The following PEAK1 variants were observed in gnomAD, a reference collection of about 807,000 sequenced individuals.
The protein encoded by PEAK1 is pseudopodium enriched atypical kinase 1.
In PEAK1, 54 loss-of-function variants were observed where a neutral mutation model predicts 124.7. That is an observed-to-expected ratio of 0.43 (90% CI 0.35 to 0.54). PEAK1 has a LOEUF of 0.54. Among genes scored for constraint, PEAK1 ranks in the 20% least tolerant of loss-of-function variants. The pLI is 0.01. For missense variants in PEAK1, 2,046 were observed against 2,134.5 expected (o/e 0.96, Z 0.82); for synonymous variants, 719 against 760.0 (o/e 0.95, Z 0.89).
intron 7 of PEAK1, among the ~76,000 whole-genome samples, chr15:77,172,722 A>G (rs541250463): frequency 1.3e-5 from 2 of 152,284 alleles, no homozygotes; most frequent in South Asian, 4.2e-4. Context: ...TTTTAAGAAG[A>G]CAGGTACTCC....
At chr15:77,315,184 T>C (rs1033752576) in intron 2 of PEAK1, among the ~76,000 whole-genome samples, 5 of 152,238 alleles carry the variant, frequency 3.3e-5, no homozygotes, top group African/African-American at 1.2e-4. Flanking sequence ...GTTTAAACTT[T>C]GACAAAAATG....
chr15:77,285,381 T>C (rs1330091373), intron 3 of PEAK1, among the ~76,000 whole-genome samples: 1 of 152,162 alleles, frequency 6.6e-6, no homozygotes, highest in East Asian at 1.9e-4. Context: ...TTTTACTTCA[T>C]CAGAAAGTAA....
chr15:77,250,258 T>TA (rs1364956664), intron 6 of PEAK1, among the ~76,000 whole-genome samples: 6 of 68,812 alleles, frequency 8.7e-5, no homozygotes, highest in African/African-American at 2.8e-4. Flanking sequence ...TATATATATA[T>TA]TTTTTTTTGA....
intron 8 of PEAK1, among the ~76,000 whole-genome samples, chr15:77,146,697 T>C (rs1397153544): frequency 1.3e-5 from 2 of 152,226 alleles, no homozygotes; most frequent in Non-Finnish European, 2.9e-5. Context: ...TTTTTATTTT[T>C]TAAGCATCTA....
intron 2 of PEAK1, among the ~76,000 whole-genome samples, chr15:77,299,482 T>C (rs966734413): frequency 2.0e-5 from 3 of 152,200 alleles, no homozygotes; most frequent in Non-Finnish European, 4.4e-5. Flanking sequence ...TACTAGCCTG[T>C]GAAGTTTCAC....
chr15:77,118,017 G>A (rs1405546406), intron 9 of PEAK1, among the ~76,000 whole-genome samples: 1 of 152,152 alleles, frequency 6.6e-6, no homozygotes, highest in African/African-American at 2.4e-5. Flanking sequence ...AGTGATTTAC[G>A]AAGAAGAAAT....
intron 1 of PEAK1, among the ~76,000 whole-genome samples, chr15:77,409,381 T>G (rs1353065020): frequency 6.6e-6 from 1 of 152,170 alleles, no homozygotes; most frequent in Non-Finnish European, 1.5e-5. Flanking sequence ...TTCCCCCATT[T>G]TACACATAAG....
At chr15:77,223,281 G>A (rs780917925) in intron 6 of PEAK1, among the ~76,000 whole-genome samples, 1 of 151,888 alleles carries the variant, frequency 6.6e-6, no homozygotes, top group Non-Finnish European at 1.5e-5. Context: ...AGTTCTACCT[G>A]GTAAGAACTT....
chr15:77,333,056 T>C lies in PEAK1; in HGVS notation c.-603+32107A>G, dbSNP rs548997239. ...TTAAAGGTGTTAAATTTTTATCACATGGCATAAATATTCCTTCATATTTGA... is the reference window on the plus strand; with the variant it reads ...TTAAAGGTGTTAAATTTTTATCACACGGCATAAATATTCCTTCATATTTGA... On this transcript the variant is annotated intron_variant, in intron 2 of 9. Coordinates refer to ENST00000682557, the MANE Select transcript of PEAK1 (RefSeq NM_001385026.1). 1.2e-3 allele frequency: 1,139 copies of C among 979,976 alleles called. 2 individuals are homozygous for C. Among genetic ancestry groups the C allele is most frequent in the Non-Finnish European group, 1.3e-3 (1,070 of 824,982 alleles). The allele number at this position is 979,976 out of a possible 1,614,324, so 60.7% of individuals were successfully genotyped here.
At chr15:77,392,136 G>A (rs2070516000) in intron 1 of PEAK1, among the ~76,000 whole-genome samples, 1 of 152,158 alleles carries the variant, frequency 6.6e-6, no homozygotes. Context: ...TGCACCCGCA[G>A]CATTTAGCAC....
intron 5 of PEAK1, among the ~76,000 whole-genome samples, chr15:77,258,020 CA>C (rs1347751205): frequency 1.3e-5 from 2 of 152,106 alleles, no homozygotes; most frequent in Non-Finnish European, 2.9e-5. Flanking sequence ...TCAGGTTTGT[CA>C]AAGATCAGAT....
intron 1 of PEAK1, among the ~76,000 whole-genome samples, chr15:77,399,636 A>C (rs1243478927): frequency 6.6e-6 from 1 of 152,170 alleles, no homozygotes; most frequent in Non-Finnish European, 1.5e-5. Flanking sequence ...CTAGACCCCT[A>C]TCTCTCACCA....
At position 77,274,955 on chromosome 15, in the gene PEAK1, C is replaced by T. The variant is rs535103443; in HGVS notation, c.-275+8928G>A. On this transcript the variant is annotated intron_variant, in intron 5 of 9. Transcript: ENST00000682557. ...CAATAAGTGGATAGAGAAAATGTGG[C>T]GTATATATACCATGGAATACTACTC... Among the ~76,000 whole-genome samples, 10 of 152,028 alleles carry T rather than the reference C, an allele frequency of 6.6e-5. No individual in the cohort carries two copies. The South Asian group carries it at 1.0e-3, about 16-fold the overall frequency.
chr15:77,239,844 C>G (rs2060278008), intron 6 of PEAK1: 6 of 985,044 alleles, frequency 6.1e-6, no homozygotes, highest in Non-Finnish European at 6.0e-6. Flanking sequence ...TCTAGGAAAT[C>G]ACACAACTGC....
chr15:77,339,745 G>C (rs2066419982), intron 2 of PEAK1, among the ~76,000 whole-genome samples: 1 of 152,112 alleles, frequency 6.6e-6, no homozygotes, highest in Non-Finnish European at 1.5e-5. Flanking sequence ...ATTTGCAAAA[G>C]ACATATCTGA....
intron 2 of PEAK1, among the ~76,000 whole-genome samples, chr15:77,288,260 C>A (rs1005725692): frequency 1.3e-5 from 2 of 152,162 alleles, no homozygotes; most frequent in African/African-American, 4.8e-5. Context: ...TTCCTATCTC[C>A]CACTTTATTG....
chr15:77,221,631 T>C (rs746708163), intron 6 of PEAK1, among the ~76,000 whole-genome samples: 1 of 152,034 alleles, frequency 6.6e-6, no homozygotes, highest in Middle Eastern at 3.2e-3. Flanking sequence ...AAAATCTCTT[T>C]TATGAAGCAC....
At chr15:77,120,222 C>T (rs16968677) in intron 9 of PEAK1, among the ~76,000 whole-genome samples, 1 of 152,204 alleles carries the variant, frequency 6.6e-6, no homozygotes, top group African/African-American at 2.4e-5. Flanking sequence ...AACTCTCTTC[C>T]GCAAGCTTGC....
chr15:77,252,168 T>A (rs17468413), intron 6 of PEAK1, among the ~76,000 whole-genome samples, 199 bp downstream of exon 6: 31,273 of 152,252 alleles, frequency 0.21, 3,990 homozygotes, highest in Middle Eastern at 0.29. Flanking sequence ...CATTTCTAAA[T>A]TAAGTTTATA....
Sources: allele counts gnomAD v4.1 joint callset (sites outside exome capture counted in the v4.1 genomes callset), GRCh38; gene constraint gnomAD v4.1.1; transcripts MANE v1.5; gene names NCBI Gene and HGNC (gene_info 2026-07-23, HGNC 2026-07-21).